The following PCMT1 variants were observed in gnomAD, a reference collection of about 807,000 sequenced individuals.
PCMT1 encodes the protein protein-L-isoaspartate (D-aspartate) O-methyltransferase.
Under a neutral mutation model 29.2 loss-of-function variants are expected in PCMT1, and 9 were observed. That is an observed-to-expected ratio of 0.31 (90% CI 0.19 to 0.54). The LOEUF (loss-of-function observed/expected upper bound fraction) is 0.54, where lower values mean the gene tolerates loss of function less well. Among genes scored for constraint, PCMT1 ranks in the 20% least tolerant of loss-of-function variants. The pLI, the probability that PCMT1 is intolerant of heterozygous loss-of-function variation, is 0.95. For missense variants in PCMT1, 184 were observed against 282.2 expected (o/e 0.65, Z 2.49); for synonymous variants, 98 against 97.5 (o/e 1.00, Z -0.03).
intron 3 of PCMT1, among the ~76,000 whole-genome samples, chr6:149,784,531 C>G (rs1481300790): frequency 6.6e-6 from 1 of 151,260 alleles, no homozygotes; most frequent in East Asian, 1.9e-4. Flanking sequence ...AATGTAGTAG[C>G]GCAATCTCAG....
chr6:149,765,390 C>T (rs993393156), intron 1 of PCMT1, among the ~76,000 whole-genome samples: 5 of 142,038 alleles, frequency 3.5e-5, no homozygotes, highest in Non-Finnish European at 7.6e-5. Flanking sequence ...TTAAAAAATG[C>T]TTTCAGTGTT....
chr6:149,806,867 C>T (rs1776032789), intron 7 of PCMT1, among the ~76,000 whole-genome samples: 1 of 152,202 alleles, frequency 6.6e-6, no homozygotes, highest in Non-Finnish European at 1.5e-5. Flanking sequence ...GCTGGGATTA[C>T]AGGCTTGAGC....
chr6:149,789,290 C>T (rs1028873407), intron 3 of PCMT1, among the ~76,000 whole-genome samples: 2 of 152,066 alleles, frequency 1.3e-5, no homozygotes, highest in Non-Finnish European at 2.9e-5. Context: ...CTTAGCCAGA[C>T]TGGTCTTGAA....
At chr6:149,766,382 C>T (rs1787085623) in intron 1 of PCMT1, among the ~76,000 whole-genome samples, 1 of 151,928 alleles carries the variant, frequency 6.6e-6, no homozygotes, top group African/African-American at 2.4e-5. Flanking sequence ...GGTATAAAAT[C>T]GTTGGCTTAC....
intron 1 of PCMT1, among the ~76,000 whole-genome samples, chr6:149,760,912 T>C (rs1752560156): frequency 6.6e-6 from 1 of 152,094 alleles, no homozygotes. Flanking sequence ...CTACGTATGT[T>C]CCATTGACAA....
intron 3 of PCMT1, among the ~76,000 whole-genome samples, chr6:149,775,818 A>C (rs147172205): frequency 6.6e-6 from 1 of 152,332 alleles, no homozygotes; most frequent in East Asian, 1.9e-4. Context: ...CCTGTTAATA[A>C]GTGAAAGACC....
rs540657192 is a variant in PCMT1, at chr6:149,767,096, C to T, written c.56-4066C>T. Among the ~76,000 whole-genome samples the T allele has an allele frequency of 2.0e-3, 300 of 152,218 alleles. 2 individuals are homozygous for T. Among genetic ancestry groups the T allele is most frequent in the African/African-American group, 6.2e-3 (258 of 41,536 alleles). On this transcript the variant is annotated intron_variant, in intron 1 of 7. Coordinates refer to ENST00000464889, the MANE Select transcript of PCMT1 (RefSeq NM_001360452.2). Reference sequence around the variant, plus strand: ...TGGTGGCAGGCGCTTATAATCCCAGCTACTTGGGAGGCTGAGGCAGGAGAA... The same window carrying T: ...TGGTGGCAGGCGCTTATAATCCCAGTTACTTGGGAGGCTGAGGCAGGAGAA...
At chr6:149,804,068 G>A (rs916868877) in intron 7 of PCMT1, among the ~76,000 whole-genome samples, 11 of 114,350 alleles carry the variant, frequency 9.6e-5, no homozygotes, top group Non-Finnish European at 1.4e-4. Flanking sequence ...GTGACAGAGC[G>A]AGACTCTGTC....
intron 3 of PCMT1, among the ~76,000 whole-genome samples, chr6:149,773,864 T>C (rs1221543697): frequency 6.6e-6 from 1 of 152,232 alleles, no homozygotes; most frequent in East Asian, 1.9e-4. Flanking sequence ...TCACATTTTA[T>C]GTGGAAAATT....
intron 4 of PCMT1, among the ~76,000 whole-genome samples, chr6:149,792,026 A>T (rs1392333957): frequency 6.6e-6 from 1 of 152,162 alleles, no homozygotes; most frequent in Non-Finnish European, 1.5e-5. Flanking sequence ...TCATACAAGG[A>T]ATGATAGGCC....
Position 149,802,349 on chromosome 6 carries a change from T to C in PCMT1, c.654T>C (p.Asp218=), listed in dbSNP as rs2115339244. 1 of 1,612,144 alleles carries C rather than the reference T, an allele frequency of 6.2e-7. No individual in the cohort carries two copies. The highest frequency in any genetic ancestry group is 8.5e-7 in the Non-Finnish European group (1 of 1,179,080). ...GGGTGATATACGTGCCTTTAACAGA[T>C]AAAGAAAAGCAGTGGTCCAGGTGGA... is the stretch of plus-strand genomic sequence containing the variant. The part of the protein sequence containing the change: ...LMGVIYVPLT[D]KEKQWSRWK The change falls in exon 7 of 8, where the codon GAT becomes GAC. Residue 218 remains aspartate, a synonymous_variant. Coordinates refer to ENST00000464889, the MANE Select transcript of PCMT1 (RefSeq NM_001360452.2).
At chr6:149,809,705 A>G (rs1776111472) in intron 7 of PCMT1, among the ~76,000 whole-genome samples, 1 of 152,136 alleles carries the variant, frequency 6.6e-6, no homozygotes, top group African/African-American at 2.4e-5. Flanking sequence ...ATTGCCAACA[A>G]GTTGCTAGGA....
At chr6:149,798,360 G>T (rs1468978273) in intron 6 of PCMT1, among the ~76,000 whole-genome samples, 1 of 152,110 alleles carries the variant, frequency 6.6e-6, no homozygotes, top group Non-Finnish European at 1.5e-5. Flanking sequence ...AAATAGAACT[G>T]TGCTTAAATG....
At position 149,762,916 on chromosome 6, in the gene PCMT1, T is replaced by C. The variant is rs1252888585; in HGVS notation, c.56-8246T>C. Among the ~76,000 whole-genome samples, 2 of 60,572 alleles carry C rather than the reference T, an allele frequency of 3.3e-5. 1 individual carries two copies. Among genetic ancestry groups the C allele is most frequent in the African/African-American group, 3.2e-4 (2 of 6,222 alleles). The allele number at this position is 60,572 out of a possible 152,430, so 39.7% of individuals were successfully genotyped here. A position where few individuals can be genotyped will look rare whatever the true frequency, so the allele number is the denominator to read the frequency against. On this transcript the variant is annotated intron_variant, in intron 1 of 7. Coordinates refer to ENST00000464889, the MANE Select transcript of PCMT1 (RefSeq NM_001360452.2). Reference sequence around the variant, plus strand: ...ATATCTATGATATATATCTATGATATATATATCTATGATATATATGATATA... The same window carrying C: ...ATATCTATGATATATATCTATGATACATATATCTATGATATATATGATATA...
intron 1 of PCMT1, among the ~76,000 whole-genome samples, chr6:149,762,833 A>T (rs1308677940): frequency 3.8e-5 from 2 of 53,258 alleles, no homozygotes; most frequent in African/African-American, 1.9e-4. Context: ...GATATATATG[A>T]TATATATATC....
intron 1 of PCMT1, chr6:149,765,678 A>AT (rs771198354): frequency 1.6e-5 from 6 of 365,626 alleles, no homozygotes; most frequent in African/African-American, 4.6e-5. Context: ...TTTATTTTTT[A>AT]TTTTTTTGCT....
chr6:149,802,514 A>G, intron 7 of PCMT1, 98 bp downstream of exon 7: 1 of 1,298,780 alleles, frequency 7.7e-7, no homozygotes, highest in Non-Finnish European at 9.8e-7. Context: ...TCATTACATT[A>G]AAAATGTGAA....
rs1452462835 is a variant in PCMT1 at position 149,757,522 on chromosome 6, A to G, written c.55+7566A>G. 2.6e-5 allele frequency among the ~76,000 whole-genome samples: 4 copies of G among 152,144 alleles called. No individual in the cohort carries two copies. In the East Asian group the frequency reaches 5.8e-4, roughly 22 times the overall value. ...GATCAGCATCTTACATGGTGCTTTG[A>G]AGGGATGGAGGTGGTTTGGTTTAGC... On this transcript the variant is annotated intron_variant, in intron 1 of 7. Coordinates refer to ENST00000464889, the MANE Select transcript of PCMT1 (RefSeq NM_001360452.2).
At chr6:149,787,275 A>G (rs1158832530) in intron 3 of PCMT1, among the ~76,000 whole-genome samples, 1 of 146,306 alleles carries the variant, frequency 6.8e-6, no homozygotes, top group Non-Finnish European at 1.5e-5. Context: ...GTGGAAAGAG[A>G]GGGAGACCGT....
Sources: allele counts gnomAD v4.1 joint callset (sites outside exome capture counted in the v4.1 genomes callset), GRCh38; gene constraint gnomAD v4.1.1; transcripts MANE v1.5; gene names NCBI Gene and HGNC (gene_info 2026-07-23, HGNC 2026-07-21).